Variants in DNAH9 observed in about 807,000 individuals in gnomAD.
The protein encoded by DNAH9 is dynein axonemal heavy chain 9, also known as DNAH9 variant protein.
In DNAH9, 345 loss-of-function variants were observed where a neutral mutation model predicts 471.6. The observed-to-expected ratio is 0.73, with a 90% CI of 0.67 to 0.80. DNAH9 has a LOEUF of 0.80. Among genes scored for constraint, DNAH9 ranks in the 30% least tolerant of loss-of-function variants. DNAH9 has a pLI of 0.00. For missense variants in DNAH9, 5,407 were observed against 5,609.2 expected, an observed-to-expected ratio of 0.96 and a Z score of 1.15; for synonymous variants, 2,093 against 2,123.6, an observed-to-expected ratio of 0.99 and a Z score of 0.40.
intron 68 of DNAH9, among the ~76,000 whole-genome samples, chr17:11,968,423 CAAAG>C (rs2151459352): frequency 6.6e-6 from 1 of 152,246 alleles, no homozygotes; most frequent in East Asian, 1.9e-4. Context: ...CACATGGACA[CAAAG>C]AATCTGTGAA....
intron 4 of DNAH9, among the ~76,000 whole-genome samples, chr17:11,615,731 T>C (rs1312729920): frequency 6.6e-6 from 1 of 152,180 alleles, no homozygotes; most frequent in Non-Finnish European, 1.5e-5. Flanking sequence ...GCAATGCTAA[T>C]TAGTATAATT....
intron 32 of DNAH9, 141 bp from the exon 33 acceptor site, chr17:11,752,692 A>AAAT: frequency 2.1e-6 from 1 of 487,686 alleles, no homozygotes; most frequent in Non-Finnish European, 3.3e-6. Context: ...AATAAAATAA[A>AAAT]AATAAAACCA....
intron 52 of DNAH9, among the ~76,000 whole-genome samples, chr17:11,872,658 C>A (rs1043637335): frequency 6.6e-6 from 1 of 152,128 alleles, no homozygotes; most frequent in Non-Finnish European, 1.5e-5. Flanking sequence ...CGGTGGCTCA[C>A]GCCTGTAATC....
intron 66 of DNAH9, among the ~76,000 whole-genome samples, chr17:11,938,230 C>T (rs973783979): frequency 5.3e-5 from 8 of 151,834 alleles, no homozygotes; most frequent in Non-Finnish European, 8.8e-5. Context: ...GAGGCCAAGG[C>T]GGGCAGATCA....
intron 57 of DNAH9, among the ~76,000 whole-genome samples, chr17:11,890,973 C>G (rs1194721587): frequency 6.6e-6 from 1 of 152,216 alleles, no homozygotes; most frequent in African/African-American, 2.4e-5. Flanking sequence ...AGGAATGAAC[C>G]ACTGCACCTG....
Position 11,680,813 on chromosome 17 carries a change from C to T in DNAH9, c.3667C>T (p.Leu1223Phe). 1 of 1,613,936 alleles carries T rather than the reference C, an allele frequency of 6.2e-7. No homozygotes were observed. The highest frequency in any genetic ancestry group is 1.1e-5 in the South Asian group (1 of 91,032). The part of the protein sequence containing the change: ...APLQANEVTL[L>F]RQRCTAFDAE... ...ACTGCAGGCAAATGAAGTGACACTCCTCCGCCAGAGGTGCACAGCCTTCGA... is the reference window on the plus strand; with the variant it reads ...ACTGCAGGCAAATGAAGTGACACTCTTCCGCCAGAGGTGCACAGCCTTCGA... Residue 1223 changes from leucine (L) to phenylalanine (F), a missense_variant, in exon 19 of 69, where the codon CTC becomes TTC. Around this residue, in one of 3 missense-constraint regions of DNAH9, gnomAD observed 4,636 missense variants for 4,900.3 expected, o/e 0.95. Coordinates refer to ENST00000262442, the MANE Select transcript of DNAH9 (RefSeq NM_001372.4).
intron 31 of DNAH9, among the ~76,000 whole-genome samples, chr17:11,745,585 G>A (rs1252338667): frequency 6.6e-6 from 1 of 152,074 alleles, no homozygotes; most frequent in Non-Finnish European, 1.5e-5. Context: ...AAGACAGATG[G>A]ACAGACACAG....
rs752359859 is a variant in DNAH9, at chr17:11,669,476, A to G, written c.3035A>G (p.Gln1012Arg). Residue 1012 changes from glutamine (Q) to arginine (R), a missense_variant, in exon 17 of 69, where the codon CAG becomes CGG. By Grantham distance (43) the Gln-to-Arg change is conservative. Coordinates refer to ENST00000262442, the MANE Select transcript of DNAH9 (RefSeq NM_001372.4). ...TGTGGCTATCAGAGCACCTTCAGCC[A>G]GTATTCGTACCTCTATGTGGAGGAC... ...LCCGYQSTFS[Q>R]YSYLYVEDRK... is the part of the protein sequence containing the mutation. The G allele has an allele frequency of 6.6e-5, 106 of 1,614,048 alleles. No individual in the cohort carries two copies. Among genetic ancestry groups the G allele is most frequent in the Non-Finnish European group, 8.2e-5 (97 of 1,180,038 alleles).
chr17:11,671,897 T>C (rs563195621), intron 17 of DNAH9, among the ~76,000 whole-genome samples: 3 of 152,320 alleles, frequency 2.0e-5, no homozygotes, highest in Admixed American at 2.0e-4. Flanking sequence ...CTTGGATCCC[T>C]GTTTCCTCAC....
At chr17:11,851,925 C>G (rs1971435793) in intron 49 of DNAH9, among the ~76,000 whole-genome samples, 1 of 152,174 alleles carries the variant, frequency 6.6e-6, no homozygotes. Flanking sequence ...ATTTTCATCT[C>G]TGTACATTGC....
chr17:11,658,052 G>A lies in DNAH9; in HGVS notation c.2595+5050G>A, dbSNP rs182686205. Among the ~76,000 whole-genome samples the A allele has an allele frequency of 6.0e-4, 92 of 152,112 alleles. 1 individual carries two copies. The highest frequency in any genetic ancestry group is 2.2e-3 in the African/African-American group (90 of 41,538). On this transcript the variant is annotated intron_variant, in intron 14 of 68. Coordinates refer to ENST00000262442, the MANE Select transcript of DNAH9 (RefSeq NM_001372.4). Reference sequence around the variant, plus strand: ...GATTCAGCCTGCCAATTTCTAGGGGGAAAAAGGCTAGATGTGATTTTGATT... The same window carrying A: ...GATTCAGCCTGCCAATTTCTAGGGGAAAAAAGGCTAGATGTGATTTTGATT...
chr17:11,778,689 T>C (rs1968557722), intron 38 of DNAH9, among the ~76,000 whole-genome samples: 2 of 151,908 alleles, frequency 1.3e-5, no homozygotes, highest in African/African-American at 4.8e-5. Context: ...CGAAAAGAGA[T>C]AACAAATGGG....
intron 41 of DNAH9, among the ~76,000 whole-genome samples, chr17:11,785,930 C>G (rs1968854094): frequency 6.6e-6 from 1 of 152,162 alleles, no homozygotes; most frequent in South Asian, 2.1e-4. Context: ...CTCTGCAGGC[C>G]TCAGGACTGG....
chr17:11,778,518 A>T (rs1786793864), intron 38 of DNAH9, among the ~76,000 whole-genome samples: 1 of 151,894 alleles, frequency 6.6e-6, no homozygotes, highest in Non-Finnish European at 1.5e-5. Context: ...AAAACAGGGG[A>T]TGGGCGTGAT....
chr17:11,942,476 C>A lies in DNAH9; in HGVS notation c.12834C>A (p.Leu4278=). 3.1e-6 allele frequency: 5 copies of A among 1,613,792 alleles called. No homozygotes were observed. The highest frequency in any genetic ancestry group is 4.2e-6 in the Non-Finnish European group (5 of 1,179,914). ...AGCGCTCACTGAGGGAGCTGGAGCT[C>A]GGCTTAAAGGTGAGCGCGGTCTTGT... ...EIQRSLRELE[L]GLKGELTMTS... Residue 4278 remains leucine, a synonymous_variant, in exon 67 of 69, where the codon CTC becomes CTA. Transcript: ENST00000262442.
chr17:11,956,504 A>G (rs1353277969), intron 67 of DNAH9, among the ~76,000 whole-genome samples: 1 of 152,142 alleles, frequency 6.6e-6, no homozygotes, highest in Admixed American at 6.5e-5. Context: ...TTTTACAGAC[A>G]CTCCAACAAT....
chr17:11,953,405 A>T (rs774093340), intron 67 of DNAH9, among the ~76,000 whole-genome samples: 1 of 152,056 alleles, frequency 6.6e-6, no homozygotes, highest in Non-Finnish European at 1.5e-5. Context: ...ACTCTCATTC[A>T]CCTGATTCTG....
chr17:11,680,425 A>C (rs923902457), intron 18 of DNAH9, among the ~76,000 whole-genome samples: 2 of 152,190 alleles, frequency 1.3e-5, no homozygotes, highest in African/African-American at 4.8e-5. Context: ...TTTAAGAAAA[A>C]TCTAAAAGTC....
intron 60 of DNAH9, among the ~76,000 whole-genome samples, chr17:11,904,628 C>T (rs1435047141): frequency 2.5e-5 from 1 of 40,566 alleles, no homozygotes; most frequent in Non-Finnish European, 5.0e-5. Flanking sequence ...GAGACTCCAT[C>T]TCAAAAAAAA....
Sources: allele counts gnomAD v4.1 joint callset (sites outside exome capture counted in the v4.1 genomes callset), GRCh38; gene constraint gnomAD v4.1.1; regional missense constraint gnomAD v4.1.1; transcripts MANE v1.5; gene names NCBI Gene and HGNC (gene_info 2026-07-23, HGNC 2026-07-21).